The following ZNF12 variants were observed in gnomAD, a reference collection of about 807,000 sequenced individuals.
ZNF12 encodes zinc finger protein 12.
Under a neutral mutation model 66.6 loss-of-function variants are expected in ZNF12, and 34 were observed. That is an observed-to-expected ratio of 0.51 (90% confidence interval 0.39 to 0.68). The LOEUF is 0.68. Among genes scored for constraint, ZNF12 ranks in the 30% least tolerant of loss-of-function variants. ZNF12 has a pLI of 0.00. For missense variants in ZNF12, 697 were observed against 826.9 expected (o/e 0.84, Z 1.93); for synonymous variants, 320 against 278.9 (o/e 1.15, Z -1.47).
intron 2 of ZNF12, chr7:6,700,857 A>G (rs1011072676): frequency 1.2e-4 from 19 of 152,298 alleles, no homozygotes; most frequent in African/African-American, 4.3e-4. Context: ...GTGCCTTTAC[A>G]AGCCTCTGCC....
chr7:6,690,735 G>A lies in ZNF12; in HGVS notation c.*113C>T. ...AGATTATGAGTCCAACACACAAGGGGATGTCCACACTAACCTGTGTGAACT... is the reference window on the plus strand; with the variant it reads ...AGATTATGAGTCCAACACACAAGGGAATGTCCACACTAACCTGTGTGAACT... On this transcript the variant is annotated 3_prime_UTR_variant, in exon 5 of 5. Transcript: ENST00000405858. The A allele has an allele frequency of 1.9e-6, 2 of 1,073,846 alleles. No homozygotes were observed. The highest frequency in any genetic ancestry group is 2.6e-6 in the Non-Finnish European group (2 of 765,840). 66.5% of individuals were successfully genotyped at this position (1,073,846 alleles called of 1,614,324 possible). A position where few individuals can be genotyped will look rare whatever the true frequency, so the allele number is the denominator to read the frequency against.
At position 6,698,060 on chromosome 7, in the gene ZNF12, T is replaced by C. The variant is rs772575034; in HGVS notation, c.16-249A>G. On this transcript the variant is annotated intron_variant, in intron 2 of 4. Coordinates refer to ENST00000405858, the MANE Select transcript of ZNF12 (RefSeq NM_016265.4). The surrounding 1 kb of genome is among the most constrained non-coding windows in gnomAD (Gnocchi z 4.4). ...GGTGAGCCAGAAACAATCCTGGCTG[T>C]TGGGAACTCTTAACACCAGCAGGGA... 2.9e-6 allele frequency: 2 copies of C among 692,204 alleles called. No homozygotes were observed. The highest frequency in any genetic ancestry group is 5.7e-5 in the East Asian group (2 of 34,964). The allele number at this position is 692,204 out of a possible 1,614,324, so 42.9% of individuals were successfully genotyped here.
chr7:6,697,251 G>C lies in ZNF12; in HGVS notation c.238+88C>G. On this transcript the variant is annotated intron_variant, in intron 4 of 4. Transcript: ENST00000405858. The surrounding 1 kb of genome is among the most constrained non-coding windows in gnomAD (Gnocchi z 6.1). ...TAGAGCATATAAGCAACTATTTCTAGTCACTTCTAAAGGTTCGGGACCATT... is the reference window on the plus strand; with the variant it reads ...TAGAGCATATAAGCAACTATTTCTACTCACTTCTAAAGGTTCGGGACCATT... 2.1e-6 allele frequency: 2 copies of C among 960,456 alleles called. No individual in the cohort carries two copies. Among genetic ancestry groups the C allele is most frequent in the Non-Finnish European group, 3.1e-6 (2 of 642,854 alleles). The allele number at this position is 960,456 out of a possible 1,614,324, so 59.5% of individuals were successfully genotyped here.
chr7:6,693,383 G>C (rs1315487345), intron 4 of ZNF12, among the ~76,000 whole-genome samples: 1 of 152,156 alleles, frequency 6.6e-6, no homozygotes. Context: ...AGAATCCCAG[G>C]AATGTATATA....
At position 6,705,331 on chromosome 7, in the gene ZNF12, G is replaced by A; in HGVS notation, c.-50-108C>T. 1 of 745,736 alleles carries A rather than the reference G, an allele frequency of 1.3e-6. No homozygotes were observed. The highest frequency in any genetic ancestry group is 2.2e-6 in the Non-Finnish European group (1 of 451,564). 46.2% of individuals were successfully genotyped at this position (745,736 alleles called of 1,614,324 possible). A position where few individuals can be genotyped will look rare whatever the true frequency, so the allele number is the denominator to read the frequency against. On this transcript the variant is annotated intron_variant, in intron 1 of 4. Coordinates refer to ENST00000405858, the MANE Select transcript of ZNF12 (RefSeq NM_016265.4). The surrounding 1 kb of genome is among the most constrained non-coding windows in gnomAD (Gnocchi z 4.0). ...AAAGTTCCAAGAAGTACATCTTGTGGGAGACTGTCCCTTTAAGCCTTCAGA... is the reference window on the plus strand; with the variant it reads ...AAAGTTCCAAGAAGTACATCTTGTGAGAGACTGTCCCTTTAAGCCTTCAGA...
At position 6,697,153 on chromosome 7, in the gene ZNF12, A is replaced by T. The variant is rs1780165816; in HGVS notation, c.238+186T>A. 6.6e-6 allele frequency among the ~76,000 whole-genome samples: 1 copy of T among 152,166 alleles called. No homozygotes were observed. The highest frequency in any genetic ancestry group is 2.4e-5 in the African/African-American group (1 of 41,438). Reference sequence around the variant, plus strand: ...TGGAATTCGATTCTTGGGAGTGGCAAGCACAGAAAAGCTCCATAAACATAA... The same window carrying T: ...TGGAATTCGATTCTTGGGAGTGGCATGCACAGAAAAGCTCCATAAACATAA... On this transcript the variant is annotated intron_variant, in intron 4 of 4. Transcript: ENST00000405858. This position sits in a 1 kb window ranked among gnomAD's most constrained non-coding sequence, Gnocchi z 6.1.
chr7:6,691,234 T>C lies in ZNF12; in HGVS notation c.1708A>G (p.Ile570Val). Residue 570 changes from isoleucine to valine, a missense_variant, in exon 5 of 5, where the codon ATT (isoleucine) becomes GTT (valine). Transcript: ENST00000405858. ...QMSYLTIHHRIHSGEKPYECS... is the reference protein window; with the variant it reads ...QMSYLTIHHRVHSGEKPYECS... Reference sequence around the variant, plus strand: ...TCATAGGGCTTCTCTCCTGAATGAATTCTATGATGTATAGTGAGGTATGAC... The same window carrying C: ...TCATAGGGCTTCTCTCCTGAATGAACTCTATGATGTATAGTGAGGTATGAC... 6.2e-7 allele frequency: 1 copy of C among 1,614,152 alleles called. No individual in the cohort carries two copies. The highest frequency in any genetic ancestry group is 8.5e-7 in the Non-Finnish European group (1 of 1,180,000).
At position 6,696,281 on chromosome 7, in the gene ZNF12, A is replaced by G. The variant is rs1326750836; in HGVS notation, c.238+1058T>C. Among the ~76,000 whole-genome samples, 1 of 152,230 alleles carries G rather than the reference A, an allele frequency of 6.6e-6. No homozygotes were observed. Among genetic ancestry groups the G allele is most frequent in the African/African-American group, 2.4e-5 (1 of 41,462 alleles). The stretch of plus-strand genomic sequence containing the variant: ...CCAGAGAGATCAGTAATATCTGATG[A>G]GAATTTCAGTGGTTTCACAGGGACC... On this transcript the variant is annotated intron_variant, in intron 4 of 4. Transcript: ENST00000405858. The surrounding 1 kb of genome is among the most constrained non-coding windows in gnomAD (Gnocchi z 4.0).
chr7:6,703,120 T>G (rs10242358), intron 2 of ZNF12, among the ~76,000 whole-genome samples: 1,939 of 152,158 alleles, frequency 0.013, 38 homozygotes, highest in African/African-American at 0.044. Context: ...AGCCCAAATT[T>G]TAAACATCTG....
At chr7:6,700,301 AT>A (rs1399756526) in intron 2 of ZNF12, among the ~76,000 whole-genome samples, 53 of 130,008 alleles carry the variant, frequency 4.1e-4, no homozygotes, top group South Asian at 1.4e-3. Context: ...AAAAAAAAAA[AT>A]ATACACACAC....
chr7:6,693,124 A>G (rs1051424025), intron 4 of ZNF12, among the ~76,000 whole-genome samples: 1 of 152,196 alleles, frequency 6.6e-6, no homozygotes, highest in Non-Finnish European at 1.5e-5. Context: ...TTAGGGATTC[A>G]TTTAGGGGGA....
intron 4 of ZNF12, among the ~76,000 whole-genome samples, chr7:6,695,703 T>A (rs1476936541): frequency 6.6e-6 from 1 of 152,246 alleles, no homozygotes; most frequent in African/African-American, 2.4e-5. Flanking sequence ...AAGCAAAATA[T>A]AGACACTATC....
intron 2 of ZNF12, among the ~76,000 whole-genome samples, chr7:6,702,198 C>T (rs1469770648): frequency 1.3e-5 from 2 of 151,886 alleles, no homozygotes; most frequent in South Asian, 2.1e-4. Flanking sequence ...AGAAACTGCA[C>T]GCTCCTGGTT....
chr7:6,700,304 T>TACACACACACAA (rs1554294765), intron 2 of ZNF12, among the ~76,000 whole-genome samples: 4 of 129,036 alleles, frequency 3.1e-5, no homozygotes, highest in African/African-American at 1.2e-4. Context: ...AAAAAAAATA[T>TACACACACACAA]ACACACACAC....
intron 2 of ZNF12, among the ~76,000 whole-genome samples, chr7:6,703,441 T>C (rs1187789925): frequency 6.6e-6 from 1 of 152,082 alleles, no homozygotes; most frequent in Non-Finnish European, 1.5e-5. Flanking sequence ...GAATATGACA[T>C]GTACAAACTC....
chr7:6,699,646 T>C (rs1780204359), intron 2 of ZNF12, among the ~76,000 whole-genome samples: 2 of 152,242 alleles, frequency 1.3e-5, no homozygotes, highest in Admixed American at 1.3e-4. Context: ...TGCCCTGCCT[T>C]GCTGAGCAAT....
intron 4 of ZNF12, among the ~76,000 whole-genome samples, chr7:6,694,686 C>A (rs150889364): frequency 6.6e-6 from 1 of 152,134 alleles, no homozygotes; most frequent in African/African-American, 2.4e-5. Context: ...ACAGTCTCCA[C>A]CCTTATTGTT....
chr7:6,705,981 C>A lies in ZNF12; in HGVS notation c.-51+451G>T, dbSNP rs898651765. ...TGGGAGATAAAACTCCAGAGTTCTA[C>A]TATGAGCAACTCCACCCACAAAACC... is the stretch of plus-strand genomic sequence containing the variant. On this transcript the variant is annotated intron_variant, in intron 1 of 4. Transcript: ENST00000405858. The surrounding 1 kb of genome is among the most constrained non-coding windows in gnomAD (Gnocchi z 4.0). 6.6e-6 allele frequency among the ~76,000 whole-genome samples: 1 copy of A among 152,172 alleles called. No homozygotes were observed. The highest frequency in any genetic ancestry group is 1.9e-4 in the East Asian group (1 of 5,192).
At position 6,697,957 on chromosome 7, in the gene ZNF12, G is replaced by T; in HGVS notation, c.16-146C>A. On this transcript the variant is annotated intron_variant, in intron 2 of 4. Coordinates refer to ENST00000405858, the MANE Select transcript of ZNF12 (RefSeq NM_016265.4). The surrounding 1 kb of genome is among the most constrained non-coding windows in gnomAD (Gnocchi z 6.1). Reference sequence around the variant, plus strand: ...CTGTCAAAGGGAAACAAACATATCAGAAATACACTGTTCTGGGGTTCATTC... The same window carrying T: ...CTGTCAAAGGGAAACAAACATATCATAAATACACTGTTCTGGGGTTCATTC... 1.0e-6 allele frequency: 1 copy of T among 987,846 alleles called. No homozygotes were observed. Among genetic ancestry groups the T allele is most frequent in the Non-Finnish European group, 1.6e-6 (1 of 621,938 alleles). 61.2% of individuals were successfully genotyped at this position (987,846 alleles called of 1,614,324 possible). A position where few individuals can be genotyped will look rare whatever the true frequency, so the allele number is the denominator to read the frequency against.
Sources: gnomAD v4.1 joint callset for allele counts (sites outside exome capture counted in the v4.1 genomes callset) on GRCh38, gnomAD v4.1.1 for gene constraint, Gnocchi (gnomAD v3.1) non-coding constraint, MANE v1.5 for transcripts, NCBI Gene and HGNC (gene_info 2026-07-23, HGNC 2026-07-21) for gene names.